Variants in GPR158 observed in about 807,000 individuals in gnomAD.
GPR158 encodes the protein G protein-coupled receptor 158.
GPR158 carries 30 observed loss-of-function variants against 78.2 expected under a neutral mutation model. The observed-to-expected ratio is 0.38, with a 90% CI of 0.29 to 0.52. The LOEUF is 0.52. Among genes scored for constraint, GPR158 ranks in the 20% least tolerant of loss-of-function variants. GPR158 has a pLI of 0.83. For synonymous variants in GPR158, 581 were observed against 591.1 expected, an observed-to-expected ratio of 0.98 and a Z score of 0.25; for missense variants, 1,463 against 1,523.5, an observed-to-expected ratio of 0.96 and a Z score of 0.66.
At chr10:25,245,660 T>C (rs1480059801) in intron 2 of GPR158, among the ~76,000 whole-genome samples, 1 of 152,194 alleles carries the variant, frequency 6.6e-6, no homozygotes, top group Non-Finnish European at 1.5e-5. Context: ...ATTAAACTCC[T>C]GCCATGGAAC....
intron 1 of GPR158, among the ~76,000 whole-genome samples, chr10:25,211,743 G>A (rs759433098): frequency 7.9e-5 from 12 of 152,040 alleles, no homozygotes; most frequent in African/African-American, 1.4e-4. Context: ...TTTACCTTTC[G>A]CAGTCAAGTT....
At chr10:25,295,098 G>T (rs532560806) in intron 2 of GPR158, among the ~76,000 whole-genome samples, 4 of 152,046 alleles carry the variant, frequency 2.6e-5, no homozygotes, top group Non-Finnish European at 4.4e-5. Context: ...CCCCATATGC[G>T]GACCTCCCTG....
chr10:25,579,634 G>A (rs12358479), intron 7 of GPR158, among the ~76,000 whole-genome samples: 1,852 of 152,220 alleles, frequency 0.012, 13 homozygotes, highest in Admixed American at 0.02. Context: ...CAACAAGACC[G>A]CAAAAAAGTA....
At chr10:25,374,260 A>G (rs867549855) in intron 2 of GPR158, among the ~76,000 whole-genome samples, 1 of 151,288 alleles carries the variant, frequency 6.6e-6, no homozygotes, top group South Asian at 2.1e-4. Flanking sequence ...AGTTTTTTTT[A>G]TAATAATTAT....
chr10:25,314,407 A>G (rs1374478610), intron 2 of GPR158, among the ~76,000 whole-genome samples: 3 of 152,230 alleles, frequency 2.0e-5, no homozygotes, highest in African/African-American at 4.8e-5. Context: ...TTGGTTTTCA[A>G]ATTTATTGAC....
intron 2 of GPR158, among the ~76,000 whole-genome samples, chr10:25,312,216 T>C (rs1854774288): frequency 6.6e-6 from 1 of 152,048 alleles, no homozygotes; most frequent in Admixed American, 6.6e-5. Flanking sequence ...TAAAAGCCAT[T>C]AGTATATATT....
chr10:25,526,489 G>T (rs1022041689), intron 5 of GPR158, among the ~76,000 whole-genome samples: 6 of 152,198 alleles, frequency 3.9e-5, no homozygotes, highest in African/African-American at 1.4e-4. Flanking sequence ...ACAGGAGGCG[G>T]ATGTACTCAT....
At chr10:25,366,547 C>A (rs1024938187) in intron 2 of GPR158, among the ~76,000 whole-genome samples, 1 of 151,670 alleles carries the variant, frequency 6.6e-6, no homozygotes, top group Non-Finnish European at 1.5e-5. Context: ...AATTACCTCA[C>A]GTATATATCA....
intron 6 of GPR158, among the ~76,000 whole-genome samples, chr10:25,571,871 T>C (rs1837013911): frequency 6.6e-6 from 1 of 152,196 alleles, no homozygotes; most frequent in Admixed American, 6.5e-5. Context: ...TCATCCCAAT[T>C]TTCTTCCTTA....
intron 2 of GPR158, among the ~76,000 whole-genome samples, chr10:25,343,685 T>G (rs1855333878): frequency 6.6e-6 from 1 of 151,986 alleles, no homozygotes; most frequent in Admixed American, 6.6e-5. Context: ...TACATCTAAA[T>G]GAATCTCAGA....
intron 2 of GPR158, among the ~76,000 whole-genome samples, chr10:25,298,312 T>C (rs61108946): frequency 0.19 from 29,277 of 152,076 alleles, 5,125 homozygotes; most frequent in African/African-American, 0.47. Context: ...TAAATAGTGT[T>C]ACCCAACAAA....
chr10:25,265,068 T>A (rs547030236), intron 2 of GPR158, among the ~76,000 whole-genome samples: 8 of 152,336 alleles, frequency 5.3e-5, no homozygotes, highest in Non-Finnish European at 7.4e-5. Context: ...AGAATTTTTT[T>A]AAATATGGGA....
chr10:25,594,569 A>T (rs1431181177), intron 9 of GPR158, among the ~76,000 whole-genome samples, 172 bp downstream of exon 9: 1 of 152,084 alleles, frequency 6.6e-6, no homozygotes, highest in Admixed American at 6.6e-5. Context: ...AAACTTCTTA[A>T]ATAATTTTTA....
chr10:25,441,987 T>G (rs952022424), intron 4 of GPR158, among the ~76,000 whole-genome samples: 2 of 152,128 alleles, frequency 1.3e-5, no homozygotes, highest in Admixed American at 1.3e-4. Flanking sequence ...ATTCTCCCAG[T>G]GAAATTAAAT....
chr10:25,216,965 T>C (rs978120878), intron 1 of GPR158, among the ~76,000 whole-genome samples: 2 of 152,176 alleles, frequency 1.3e-5, no homozygotes, highest in Non-Finnish European at 1.5e-5. Flanking sequence ...TGGATTTTAT[T>C]ATTTAGGAAA....
At chr10:25,408,301 G>A (rs886195620) in intron 3 of GPR158, among the ~76,000 whole-genome samples, 2 of 152,140 alleles carry the variant, frequency 1.3e-5, no homozygotes, top group Non-Finnish European at 2.9e-5. Flanking sequence ...TTTGTGTGGG[G>A]AGTGCTTGCA....
intron 2 of GPR158, among the ~76,000 whole-genome samples, chr10:25,301,203 A>G (rs1404475799): frequency 6.6e-6 from 1 of 152,196 alleles, no homozygotes; most frequent in Non-Finnish European, 1.5e-5. Context: ...AATTGTTCAG[A>G]AATAGTGTTA....
intron 7 of GPR158, among the ~76,000 whole-genome samples, chr10:25,579,289 T>A (rs1446390014): frequency 6.6e-6 from 1 of 152,164 alleles, no homozygotes; most frequent in Non-Finnish European, 1.5e-5. Context: ...GTTTTCTAAT[T>A]GGATAATACA....
chr10:25,414,992 A>G (rs1016169380), intron 4 of GPR158, among the ~76,000 whole-genome samples: 1 of 152,134 alleles, frequency 6.6e-6, no homozygotes, highest in Non-Finnish European at 1.5e-5. Flanking sequence ...CTCCTCTGTA[A>G]AATGGCATTC....
Sources: allele counts gnomAD v4.1 joint callset (sites outside exome capture counted in the v4.1 genomes callset), GRCh38; gene constraint gnomAD v4.1.1; transcripts MANE v1.5; gene names NCBI Gene and HGNC (gene_info 2026-07-23, HGNC 2026-07-21).